Variants in PTPRN2 observed in about 807,000 individuals in gnomAD.
The protein encoded by PTPRN2 is protein tyrosine phosphatase receptor type N2.
PTPRN2 carries 74 observed loss-of-function variants against 118.8 expected under a neutral mutation model. That is an observed-to-expected ratio of 0.62 (90% CI 0.52 to 0.76). The LOEUF is 0.76. Among genes scored for constraint, PTPRN2 ranks in the 30% least tolerant of loss-of-function variants. The probability of loss-of-function intolerance (pLI) is 0.00; values close to 1 mark genes in which losing one functional copy is unlikely to be tolerated. For synonymous variants in PTPRN2, 641 were observed against 608.0 expected (o/e 1.05, Z -0.80); for missense variants, 1,481 against 1,394.4 (o/e 1.06, Z -0.99).
intron 3 of PTPRN2, among the ~76,000 whole-genome samples, chr7:158,242,528 C>G (rs1049721853): frequency 1.1e-4 from 16 of 152,352 alleles, no homozygotes; most frequent in Non-Finnish European, 2.1e-4. Flanking sequence ...GCTTTGGCAT[C>G]AGGGTAATGA....
chr7:157,571,992 A>C (rs1230562885), intron 19 of PTPRN2, among the ~76,000 whole-genome samples: 2 of 152,262 alleles, frequency 1.3e-5, no homozygotes, highest in Non-Finnish European at 2.9e-5. Flanking sequence ...GCTTTTGGTA[A>C]GGATATCTAA....
chr7:158,335,045 T>C (rs62480940), intron 2 of PTPRN2, among the ~76,000 whole-genome samples: 361 of 1,860 alleles, frequency 0.19, 9 homozygotes, highest in Middle Eastern at 0.5. Context: ...GTCACTCACA[T>C]CCACACTCTC....
At chr7:157,843,923 C>T (rs542407939) in intron 12 of PTPRN2, among the ~76,000 whole-genome samples, 5 of 152,304 alleles carry the variant, frequency 3.3e-5, no homozygotes, top group South Asian at 4.1e-4. Context: ...GGGGTCCTTT[C>T]GATGTGGTGC....
intron 3 of PTPRN2, among the ~76,000 whole-genome samples, chr7:158,268,239 C>T (rs1170456515): frequency 6.6e-6 from 1 of 152,118 alleles, no homozygotes; most frequent in Admixed American, 6.5e-5. Flanking sequence ...TGTGAGATAT[C>T]CCAGCCGCAC....
intron 10 of PTPRN2, among the ~76,000 whole-genome samples, chr7:158,106,949 GCTT>G (rs1815738471): frequency 6.6e-6 from 1 of 152,152 alleles, no homozygotes; most frequent in South Asian, 2.1e-4. Flanking sequence ...GGTCTTGGGA[GCTT>G]CTTCTATTTT....
chr7:157,702,673 T>A (rs555667854), intron 12 of PTPRN2, among the ~76,000 whole-genome samples: 28 of 152,360 alleles, frequency 1.8e-4, no homozygotes, highest in Admixed American at 9.1e-4. Context: ...GCAGCTCAGC[T>A]CACTGTTTCA....
At chr7:158,523,658 T>TGGAGGCGTCTGCCCTGGAGC (rs1824460904) in intron 1 of PTPRN2, among the ~76,000 whole-genome samples, 3 of 24,390 alleles carry the variant, frequency 1.2e-4, no homozygotes, top group Non-Finnish European at 7.6e-5. Flanking sequence ...TGCCCTGGAG[T>TGGAGGCGTCTGCCCTGGAGC]GGAGTCGTCT....
intron 2 of PTPRN2, among the ~76,000 whole-genome samples, chr7:158,335,613 TA>T (rs1805406382): frequency 5.5e-5 from 1 of 18,024 alleles, no homozygotes; most frequent in Non-Finnish European, 1.4e-4. Flanking sequence ...ACTCTCACCA[TA>T]AAAGCTGATG....
At chr7:157,958,111 C>T (rs187831158) in intron 11 of PTPRN2, among the ~76,000 whole-genome samples, 3 of 152,086 alleles carry the variant, frequency 2.0e-5, no homozygotes, top group Non-Finnish European at 2.9e-5. Context: ...AAATAATAAA[C>T]GCAATACACC....
chr7:158,307,711 T>G (rs534899035), intron 3 of PTPRN2, among the ~76,000 whole-genome samples: 1 of 152,306 alleles, frequency 6.6e-6, no homozygotes, highest in East Asian at 1.9e-4. Flanking sequence ...GTCACACATG[T>G]TATGGACTAG....
At position 157,845,205 on chromosome 7, in the gene PTPRN2, G is replaced by A. The variant is rs1808710874; in HGVS notation, c.1788+53468C>T. On this transcript the variant is annotated intron_variant, in intron 12 of 22. Transcript: ENST00000389418. The surrounding 1 kb of genome is among the most constrained non-coding windows in gnomAD (Gnocchi z 4.5). The stretch of plus-strand genomic sequence containing the variant: ...TTTTATTCCTAGAAAAAGATACACA[G>A]GCTAATGTAATGAATACACTAGCAC... Among the ~76,000 whole-genome samples the A allele has an allele frequency of 3.9e-5, 6 of 152,166 alleles. No individual in the cohort carries two copies.
At chr7:158,127,681 G>A (rs1217043378) in intron 9 of PTPRN2, among the ~76,000 whole-genome samples, 4 of 152,162 alleles carry the variant, frequency 2.6e-5, no homozygotes, top group Non-Finnish European at 5.9e-5. Flanking sequence ...AATCCAGTGG[G>A]GTCTGGGGTA....
rs548949304 is a variant in PTPRN2, at chr7:157,785,387, C to A, written c.1789-102450G>T. ...AGACCACGGTGCTCCAAAACGAAAT[C>A]GCCCCCGAGGATGAAAGGGGGTGGT... is the stretch of plus-strand genomic sequence containing the variant. On this transcript the variant is annotated intron_variant, in intron 12 of 22. Coordinates refer to ENST00000389418, the MANE Select transcript of PTPRN2 (RefSeq NM_002847.5). The surrounding 1 kb of genome is among the most constrained non-coding windows in gnomAD (Gnocchi z 7.3). Among the ~76,000 whole-genome samples the A allele has an allele frequency of 1.3e-5, 2 of 152,160 alleles. No homozygotes were observed. Among genetic ancestry groups the A allele is most frequent in the African/African-American group, 4.8e-5 (2 of 41,450 alleles).
At chr7:158,440,419 AGTGAAAGCAGTGGTGGTGGTGATGATG>A (rs1359682744) in intron 2 of PTPRN2, among the ~76,000 whole-genome samples, 2 of 151,064 alleles carry the variant, frequency 1.3e-5, no homozygotes, top group Admixed American at 6.6e-5. Flanking sequence ...TGGTGGTGAT[AGTGAAAGCAGTGGTGGTGGTGATGATG>A]GTGGTAATGG....
At chr7:158,165,436 A>G (rs1010289201) in intron 6 of PTPRN2, among the ~76,000 whole-genome samples, 2 of 152,246 alleles carry the variant, frequency 1.3e-5, no homozygotes, top group Non-Finnish European at 2.9e-5. Flanking sequence ...CTTCTCCTCC[A>G]AGAGAGGAAC....
chr7:158,487,773 TCTCCTATCGCTCCCCGTCAGC>T lies in PTPRN2; in HGVS notation c.163+1941_163+1961del, dbSNP rs571342267. 1.1e-4 allele frequency among the ~76,000 whole-genome samples: 16 copies of T among 151,948 alleles called. No homozygotes were observed. The East Asian group carries it at 3.1e-3, about 29-fold the overall frequency. On this transcript the variant is annotated intron_variant, in intron 2 of 22. Transcript: ENST00000389418. The stretch of plus-strand genomic sequence containing the variant: ...AATCTGAGCCAGCACAGGAACCACT[TCTCCTATCGCTCCCCGTCAGC>T]CTCGCAAAGCGCAGTTTTCTAAGAC...
At chr7:158,043,694 A>G (rs796139911) in intron 11 of PTPRN2, among the ~76,000 whole-genome samples, 4 of 152,360 alleles carry the variant, frequency 2.6e-5, no homozygotes, top group African/African-American at 9.6e-5. Context: ...ATGCAGCTTG[A>G]CATTTATAAA....
chr7:157,681,008 C>T (rs548393777), intron 13 of PTPRN2, among the ~76,000 whole-genome samples: 1 of 151,438 alleles, frequency 6.6e-6, no homozygotes, highest in Middle Eastern at 3.4e-3. Context: ...ATTTTAATTA[C>T]AGATACTATT....
At chr7:157,812,640 G>A (rs1056019988) in intron 12 of PTPRN2, among the ~76,000 whole-genome samples, 1 of 152,126 alleles carries the variant, frequency 6.6e-6, no homozygotes, top group Non-Finnish European at 1.5e-5. Flanking sequence ...ATGAATGGAC[G>A]GCTCATCTGT....
Sources: allele counts gnomAD v4.1 joint callset (sites outside exome capture counted in the v4.1 genomes callset), GRCh38; gene constraint gnomAD v4.1.1; non-coding constraint Gnocchi (gnomAD v3.1); transcripts MANE v1.5; gene names NCBI Gene and HGNC (gene_info 2026-07-23, HGNC 2026-07-21).